FOXO3: variants seen among roughly 807,000 people sequenced by gnomAD.
The protein encoded by FOXO3 is forkhead box protein O3.
Under a neutral mutation model 41.9 loss-of-function variants are expected in FOXO3, and 4 were observed. That is an observed-to-expected ratio of 0.10 (90% CI 0.05 to 0.22). FOXO3 has a LOEUF of 0.22. FOXO3 is among the 10% of genes least tolerant of loss of function. FOXO3 has a pLI of 1.00. For missense variants in FOXO3, 534 were observed against 906.8 expected (o/e 0.59, Z 5.28); for synonymous variants, 318 against 389.3 (o/e 0.82, Z 2.16).
intron 1 of FOXO3, among the ~76,000 whole-genome samples, chr6:108,655,949 A>T (rs560186794): frequency 1.3e-5 from 2 of 152,232 alleles, no homozygotes; most frequent in Non-Finnish European, 2.9e-5. Context: ...CTGGTCCTGT[A>T]CACAAAGTGG....
At chr6:108,637,720 G>A (rs964521525) in intron 1 of FOXO3, among the ~76,000 whole-genome samples, 1 of 151,810 alleles carries the variant, frequency 6.6e-6, no homozygotes, top group African/African-American at 2.4e-5. Flanking sequence ...GCCTGGCTTT[G>A]CCTCTTCCCC....
chr6:108,611,110 A>G (rs1777351738), intron 1 of FOXO3, among the ~76,000 whole-genome samples: 1 of 152,140 alleles, frequency 6.6e-6, no homozygotes, highest in South Asian at 2.1e-4. Flanking sequence ...TACTGTATGT[A>G]GCCCTTTGTG....
Position 108,683,208 on chromosome 6 carries a change from A to G in FOXO3, c.*3416A>G, listed in dbSNP as rs1382914788. On this transcript the variant is annotated 3_prime_UTR_variant, in exon 3 of 3. Coordinates refer to ENST00000406360, the MANE Select transcript of FOXO3 (RefSeq NM_001455.4). ...GACTTTGTGTTTGTTTTTGGTGTTA[A>G]TTTTTAGCATTGTGTGTGTTGCTTC... 1.3e-5 allele frequency: 2 copies of G among 152,464 alleles called. No individual in the cohort carries two copies. The highest frequency in any genetic ancestry group is 1.3e-4 in the Admixed American group (2 of 15,274). 9.4% of individuals were successfully genotyped at this position (152,464 alleles called of 1,614,324 possible).
chr6:108,657,918 A>G (rs891033477), intron 1 of FOXO3, among the ~76,000 whole-genome samples: 2 of 152,216 alleles, frequency 1.3e-5, no homozygotes, highest in African/African-American at 2.4e-5. Flanking sequence ...TTTGAATTGC[A>G]CAGGTCCACT....
At chr6:108,630,673 C>T (rs72942591) in intron 1 of FOXO3, among the ~76,000 whole-genome samples, 1 of 152,076 alleles carries the variant, frequency 6.6e-6, no homozygotes, top group African/African-American at 2.4e-5. Flanking sequence ...ACCAGTCTAC[C>T]TCCTTTCTCT....
chr6:108,636,267 A>G (rs1778117814), intron 1 of FOXO3, among the ~76,000 whole-genome samples: 1 of 152,196 alleles, frequency 6.6e-6, no homozygotes, highest in Non-Finnish European at 1.5e-5. Flanking sequence ...GAGCTTGTGC[A>G]GTATGCACAC....
At chr6:108,643,273 C>T (rs1387152480) in intron 1 of FOXO3, among the ~76,000 whole-genome samples, 1 of 152,016 alleles carries the variant, frequency 6.6e-6, no homozygotes, top group East Asian at 1.9e-4. Flanking sequence ...TTGCCCATGC[C>T]CAGTTTGACC....
At chr6:108,565,714 T>G (rs1775931934) in intron 1 of FOXO3, among the ~76,000 whole-genome samples, 1 of 152,244 alleles carries the variant, frequency 6.6e-6, no homozygotes. Flanking sequence ...TGTATTGTTA[T>G]GGCTTCTTGC....
intron 1 of FOXO3, among the ~76,000 whole-genome samples, chr6:108,661,519 C>G (rs1778863631): frequency 6.6e-6 from 1 of 152,066 alleles, no homozygotes; most frequent in Admixed American, 6.5e-5. Context: ...TAGAATGAGC[C>G]TGCTGCAGGC....
chr6:108,636,560 T>C (rs1288011593), intron 1 of FOXO3, among the ~76,000 whole-genome samples: 1 of 152,056 alleles, frequency 6.6e-6, no homozygotes, highest in Non-Finnish European at 1.5e-5. Flanking sequence ...GCTAGTATCC[T>C]AGATTCTCAG....
intron 1 of FOXO3, among the ~76,000 whole-genome samples, chr6:108,652,424 G>T (rs1485993455): frequency 6.6e-6 from 1 of 152,178 alleles, no homozygotes; most frequent in Non-Finnish European, 1.5e-5. Flanking sequence ...GGGACCACAT[G>T]CTGAACATTT....
chr6:108,609,507 C>T lies in FOXO3; in HGVS notation c.621+47678C>T, dbSNP rs114566335. ...TTTAGCTTTAAAATCAGCCAAAATACGATTTGGCCTATTAGCTTTCCAGGT... is the reference window on the plus strand; with the variant it reads ...TTTAGCTTTAAAATCAGCCAAAATATGATTTGGCCTATTAGCTTTCCAGGT... On this transcript the variant is annotated intron_variant, in intron 1 of 2. Coordinates refer to ENST00000406360, the MANE Select transcript of FOXO3 (RefSeq NM_001455.4). 6.8e-3 allele frequency among the ~76,000 whole-genome samples: 1,028 copies of T among 152,218 alleles called. 18 individuals carry two copies. Among genetic ancestry groups the T allele is most frequent in the South Asian group, 0.054 (260 of 4,822 alleles).
At chr6:108,599,387 T>C (rs1363461115) in intron 1 of FOXO3, among the ~76,000 whole-genome samples, 2 of 152,238 alleles carry the variant, frequency 1.3e-5, no homozygotes, top group South Asian at 4.1e-4. Context: ...TGGATTTATA[T>C]TTTGAATACA....
At chr6:108,645,890 G>A (rs566629482) in intron 1 of FOXO3, among the ~76,000 whole-genome samples, 5 of 152,240 alleles carry the variant, frequency 3.3e-5, no homozygotes, top group South Asian at 2.1e-4. Context: ...TACACACAGA[G>A]ATAACATGCA....
At chr6:108,620,396 A>G (rs1376062551) in intron 1 of FOXO3, among the ~76,000 whole-genome samples, 1 of 152,192 alleles carries the variant, frequency 6.6e-6, no homozygotes, top group Admixed American at 6.5e-5. Flanking sequence ...TCTGGTGGTA[A>G]GTGGCATCTT....
chr6:108,673,721 C>G (rs1770456037), intron 2 of FOXO3, among the ~76,000 whole-genome samples: 1 of 152,148 alleles, frequency 6.6e-6, no homozygotes. Flanking sequence ...TCTAGGGCAT[C>G]CCAGCCTGCA....
intron 1 of FOXO3, among the ~76,000 whole-genome samples, chr6:108,635,759 G>T (rs1033077178): frequency 6.6e-6 from 1 of 152,156 alleles, no homozygotes; most frequent in Non-Finnish European, 1.5e-5. Context: ...GTGGATGGTG[G>T]TAAGTAAGGC....
At chr6:108,600,505 C>T (rs1029607302) in intron 1 of FOXO3, among the ~76,000 whole-genome samples, 2 of 135,724 alleles carry the variant, frequency 1.5e-5, no homozygotes, top group South Asian at 2.5e-4. Context: ...CAAGATTGTG[C>T]CACTGCACTC....
At chr6:108,658,425 C>T (rs1778750792) in intron 1 of FOXO3, among the ~76,000 whole-genome samples, 1 of 152,156 alleles carries the variant, frequency 6.6e-6, no homozygotes, top group Non-Finnish European at 1.5e-5. Flanking sequence ...CATTCTGCCA[C>T]TAAGAAACCT....
Sources: gnomAD v4.1 joint callset for allele counts (sites outside exome capture counted in the v4.1 genomes callset) on GRCh38, gnomAD v4.1.1 for gene constraint, MANE v1.5 for transcripts, NCBI Gene and HGNC (gene_info 2026-07-23, HGNC 2026-07-21) for gene names.